Variants in SLC8B1 observed in about 807,000 individuals in gnomAD.
The protein encoded by SLC8B1 is mitochondrial sodium/calcium exchanger protein.
Under a neutral mutation model 63.4 loss-of-function variants are expected in SLC8B1, and 52 were observed. The ratio of observed to expected loss-of-function variants is 0.82; its 90% CI spans 0.66 to 1.03. The LOEUF (loss-of-function observed/expected upper bound fraction) is 1.03, where lower values mean the gene tolerates loss of function less well. SLC8B1 is among the 50% of genes least tolerant of loss of function. SLC8B1 has a pLI of 0.00. For missense variants in SLC8B1, 657 were observed against 741.7 expected, an observed-to-expected ratio of 0.89 and a Z score of 1.33; for synonymous variants, 336 against 323.9, an observed-to-expected ratio of 1.04 and a Z score of -0.40.
intron 1 of SLC8B1, among the ~76,000 whole-genome samples, chr12:113,333,553 T>A (rs1463988969): frequency 6.6e-6 from 1 of 152,158 alleles, no homozygotes; most frequent in Non-Finnish European, 1.5e-5. Context: ...ATTTTACAGA[T>A]GAACTAACTG....
At position 113,332,834 on chromosome 12, in the gene SLC8B1, A is replaced by G; in HGVS notation, c.45T>C (p.Leu15=). 6.2e-7 allele frequency: 1 copy of G among 1,614,182 alleles called. No individual in the cohort carries two copies. ...CTGTCTCCGCCATTAGCAGCACACAAAGCACACTCAGTGCCCAGCGCAGAT... is the reference window on the plus strand; with the variant it reads ...CTGTCTCCGCCATTAGCAGCACACAGAGCACACTCAGTGCCCAGCGCAGAT... ...RLNLRWALSV[L]CVLLMAETVS... is the part of the protein sequence containing the mutation. Residue 15 remains leucine (L), a synonymous_variant, in exon 2 of 16, where the codon CTT becomes CTC. Transcript: ENST00000680972.
intron 15 of SLC8B1, 126 bp from the exon 16 acceptor site, chr12:113,300,100 A>C (rs1956559001): frequency 4.2e-6 from 3 of 707,918 alleles, no homozygotes; most frequent in Non-Finnish European, 6.7e-6. Flanking sequence ...CCTCAGCAAC[A>C]ATGCAGCCTC....
chr12:113,333,869 C>T lies in SLC8B1; in HGVS notation c.-83+574G>A, dbSNP rs183434318. Among the ~76,000 whole-genome samples the T allele has an allele frequency of 7.9e-5, 12 of 152,300 alleles. No homozygotes were observed. The East Asian group carries it at 9.6e-4, about 12-fold the overall frequency. On this transcript the variant is annotated intron_variant, in intron 1 of 15. Coordinates refer to ENST00000680972, the MANE Select transcript of SLC8B1 (RefSeq NM_001358345.2). ...GATTACAGGCACACACCACCATGCCCAGCTAATTTTTGTATTTTTAACGGA... is the reference window on the plus strand; with the variant it reads ...GATTACAGGCACACACCACCATGCCTAGCTAATTTTTGTATTTTTAACGGA...
intron 15 of SLC8B1, among the ~76,000 whole-genome samples, chr12:113,303,914 T>C (rs1956634957): frequency 6.6e-6 from 1 of 152,134 alleles, no homozygotes. Flanking sequence ...GAAGTCTCAC[T>C]CTGTCGCCCA....
At chr12:113,334,102 G>C (rs1042092960) in intron 1 of SLC8B1, among the ~76,000 whole-genome samples, 15 of 152,212 alleles carry the variant, frequency 9.9e-5, no homozygotes, top group African/African-American at 3.4e-4. Flanking sequence ...GAAGGAAGTT[G>C]AGTTGCTCAA....
Position 113,320,251 on chromosome 12 carries a change from C to T in SLC8B1, c.694+80G>A. The T allele has an allele frequency of 2.6e-6, 4 of 1,513,668 alleles. No homozygotes were observed. Among genetic ancestry groups the T allele is most frequent in the Non-Finnish European group, 2.7e-6 (3 of 1,119,286 alleles). The allele number at this position is 1,513,668 out of a possible 1,614,324, so 93.8% of individuals were successfully genotyped here. ...CAAAGCCCCCACTGACCACCCCTCACACCTCTCTGTCCCAGGCACCTCCTA... is the reference window on the plus strand; with the variant it reads ...CAAAGCCCCCACTGACCACCCCTCATACCTCTCTGTCCCAGGCACCTCCTA... On this transcript the variant is annotated intron_variant, in intron 7 of 15. Transcript: ENST00000680972. The surrounding 1 kb of genome is among the most constrained non-coding windows in gnomAD (Gnocchi z 5.3).
chr12:113,314,183 A>G (rs1218486685), intron 11 of SLC8B1, among the ~76,000 whole-genome samples: 6 of 152,288 alleles, frequency 3.9e-5, no homozygotes, highest in African/African-American at 1.4e-4. Flanking sequence ...GGCCCTTTTC[A>G]GCTCTGAGTC....
At chr12:113,318,491 A>T (rs542237444) in intron 8 of SLC8B1, among the ~76,000 whole-genome samples, 1 of 148,312 alleles carries the variant, frequency 6.7e-6, no homozygotes, top group African/African-American at 2.5e-5. Flanking sequence ...TACATGTGTG[A>T]GTTGTGTGTG....
chr12:113,309,134 C>T (rs575228093), intron 12 of SLC8B1, among the ~76,000 whole-genome samples: 1 of 151,942 alleles, frequency 6.6e-6, no homozygotes, highest in Non-Finnish European at 1.5e-5. Flanking sequence ...GGATTACAGG[C>T]GTGAGCCACC....
rs367957452 is a variant in SLC8B1, at chr12:113,321,379, G to A, written c.157-31C>T. The A allele has an allele frequency of 1.2e-4, 199 of 1,613,734 alleles. 3 individuals carry two copies. Among genetic ancestry groups the A allele is most frequent in the South Asian group, 1.0e-3 (95 of 91,074 alleles). ...GGAAGACAGGGAGGGGGACATCAGC[G>A]GCAGAGACTTCCCTGAGAACTAGAC... On this transcript the variant is annotated intron_variant, in intron 2 of 15. Transcript: ENST00000680972.
rs185954451 is a variant in SLC8B1, at chr12:113,306,061, C to A, written c.1492+434G>T. On this transcript the variant is annotated intron_variant, in intron 14 of 15. Transcript: ENST00000680972. ...GCAACCGAGCCAGACTCCGTCCCCA[C>A]CCTGCAAAAAAAAAAAAAAAAAAAA... Among the ~76,000 whole-genome samples the A allele has an allele frequency of 1.5e-4, 19 of 124,754 alleles. No homozygotes were observed. The East Asian group carries it at 3.8e-3, about 25-fold the overall frequency. The allele number at this position is 124,754 out of a possible 152,430, so 81.8% of individuals were successfully genotyped here.
intron 12 of SLC8B1, 114 bp from the exon 13 acceptor site, chr12:113,307,958 G>A (rs1186324721): frequency 1.5e-6 from 2 of 1,307,752 alleles, no homozygotes; most frequent in East Asian, 2.5e-5. Context: ...AGCTTATTAT[G>A]AGTATAAAAC....
intron 15 of SLC8B1, among the ~76,000 whole-genome samples, chr12:113,300,214 A>C (rs1956562501): frequency 6.6e-6 from 1 of 152,254 alleles, no homozygotes; most frequent in South Asian, 2.1e-4. Context: ...ACAGTGGCTC[A>C]TGCCTGTAAT....
intron 2 of SLC8B1, among the ~76,000 whole-genome samples, chr12:113,323,279 T>G (rs1392647209): frequency 6.6e-6 from 1 of 152,226 alleles, no homozygotes; most frequent in African/African-American, 2.4e-5. Flanking sequence ...TGCTAGATTT[T>G]GCCAAAATGC....
chr12:113,300,436 T>C (rs1319619306), intron 15 of SLC8B1, among the ~76,000 whole-genome samples: 1 of 152,154 alleles, frequency 6.6e-6, no homozygotes, highest in African/African-American at 2.4e-5. Context: ...TAAGCCGACA[T>C]CGTGCTACTG....
rs1957109376 is a variant in SLC8B1 at position 113,334,918 on chromosome 12, T to G, written c.-558A>C. 1 of 152,214 alleles carries G rather than the reference T, an allele frequency of 6.6e-6. No homozygotes were observed. Among genetic ancestry groups the G allele is most frequent in the Non-Finnish European group, 1.5e-5 (1 of 68,034 alleles). 9.4% of individuals were successfully genotyped at this position (152,214 alleles called of 1,614,324 possible). ...GAACATCTCCGTGCTCCGTTTCCCG[T>G]CCGGACGGAGGCTGAGAAGTCGAAC... is the stretch of plus-strand genomic sequence containing the variant. On this transcript the variant is annotated 5_prime_UTR_variant, in exon 1 of 16. Transcript: ENST00000680972.
Position 113,310,331 on chromosome 12 carries a change from A to C in SLC8B1, c.1160T>G (p.Leu387Arg). ...GTYGVYEIGG[L>R]VPVWVVVVIA... ...CACCACCACGACCCAGACGGGAACG[A>C]GGCCGCCTATCTCATAGACACCATC... The change falls in exon 12 of 16, where the codon CTC (leucine) becomes CGC (arginine). Residue 387 changes from leucine (L) to arginine (R), a missense_variant. Physicochemically the swap from Leu to Arg is moderately radical, Grantham distance 102. Coordinates refer to ENST00000680972, the MANE Select transcript of SLC8B1 (RefSeq NM_001358345.2). 6.2e-7 allele frequency: 1 copy of C among 1,614,040 alleles called. No homozygotes were observed.
At chr12:113,317,639 G>C (rs929090242) in intron 8 of SLC8B1, among the ~76,000 whole-genome samples, 3 of 152,208 alleles carry the variant, frequency 2.0e-5, no homozygotes, top group African/African-American at 7.2e-5. Context: ...CCTGGGACCT[G>C]TATGGAGGGG....
Position 113,320,520 on chromosome 12 carries a change from T to G in SLC8B1, c.527-22A>C, listed in dbSNP as rs751257324. On this transcript the variant is annotated intron_variant, in intron 6 of 15. Coordinates refer to ENST00000680972, the MANE Select transcript of SLC8B1 (RefSeq NM_001358345.2). This position sits in a 1 kb window ranked among gnomAD's most constrained non-coding sequence, Gnocchi z 5.3. The stretch of plus-strand genomic sequence containing the variant: ...GCGCCTGGGGGGAGGAGGCCAGAGC[T>G]CAGCCACCCTGCACCCTCTCCTGCT... 3.7e-6 allele frequency: 6 copies of G among 1,613,816 alleles called. No individual in the cohort carries two copies. Among genetic ancestry groups the G allele is most frequent in the Non-Finnish European group, 5.1e-6 (6 of 1,179,908 alleles).
Sources: allele counts gnomAD v4.1 joint callset (sites outside exome capture counted in the v4.1 genomes callset), GRCh38; gene constraint gnomAD v4.1.1; non-coding constraint Gnocchi (gnomAD v3.1); transcripts MANE v1.5; gene names NCBI Gene and HGNC (gene_info 2026-07-23, HGNC 2026-07-21).